PDE5A: variants seen among roughly 807,000 people sequenced by gnomAD.
PDE5A encodes phosphodiesterase 5A.
In PDE5A, 67 loss-of-function variants were observed where a neutral mutation model predicts 110.2. The observed-to-expected ratio is 0.61, with a 90% CI of 0.50 to 0.75. The LOEUF is 0.75. Ranked by LOEUF, PDE5A falls within the 30% of genes least tolerant of loss-of-function variation. The pLI, the probability that PDE5A is intolerant of heterozygous loss-of-function variation, is 0.00. For missense variants in PDE5A, 862 were observed against 1,045.1 expected (o/e 0.82, Z 2.42); for synonymous variants, 328 against 351.2 (o/e 0.93, Z 0.74).
chr4:119,520,823 AAAT>A (rs1726101366), intron 13 of PDE5A, 109 bp downstream of exon 13: 1 of 901,494 alleles, frequency 1.1e-6, no homozygotes, highest in Non-Finnish European at 1.6e-6. Context: ...AAGTGGCAGC[AAAT>A]ATTATTTTAA....
chr4:119,546,927 T>A (rs527469905), intron 9 of PDE5A, among the ~76,000 whole-genome samples: 15 of 152,154 alleles, frequency 9.9e-5, no homozygotes, highest in Non-Finnish European at 1.6e-4. Flanking sequence ...ATTTGATAAT[T>A]AGGCTTCTTA....
intron 1 of PDE5A, chr4:119,628,035 G>C: frequency 1.0e-6 from 1 of 985,948 alleles, no homozygotes; most frequent in Non-Finnish European, 1.2e-6. Flanking sequence ...GCTGTCCCGT[G>C]GACTCGTCCC....
chr4:119,541,739 A>G (rs145563848), intron 10 of PDE5A: 2 of 152,300 alleles, frequency 1.3e-5, no homozygotes, highest in African/African-American at 4.8e-5. Context: ...TGAAACATAT[A>G]TAGAAAGGAC....
intron 3 of PDE5A, among the ~76,000 whole-genome samples, chr4:119,572,598 A>ATAG (rs1728181110): frequency 2.0e-5 from 3 of 152,248 alleles, no homozygotes; most frequent in Admixed American, 1.3e-4. Flanking sequence ...TTTAAAAAGT[A>ATAG]TAGAAAATCA....
In PDE5A at chr4:119,538,527, T is replaced by G. The variant is rs528485554; in HGVS notation, c.1632+433A>C. Among the ~76,000 whole-genome samples the G allele has an allele frequency of 1.2e-3, 179 of 152,176 alleles. 1 individual carries two copies. The highest frequency in any genetic ancestry group is 1.8e-3 in the Non-Finnish European group (123 of 68,022). On this transcript the variant is annotated intron_variant, in intron 11 of 20. Coordinates refer to ENST00000354960, the MANE Select transcript of PDE5A (RefSeq NM_001083.4). ...TGCAAAGAGAATTCAGGAACTGACCTTATTTGACCCCAATTTCAAACAGCA... is the reference window on the plus strand; with the variant it reads ...TGCAAAGAGAATTCAGGAACTGACCGTATTTGACCCCAATTTCAAACAGCA...
At position 119,523,789 on chromosome 4, in the gene PDE5A, C is replaced by T. The variant is rs577832621; in HGVS notation, c.1779+1760G>A. 4.6e-5 allele frequency among the ~76,000 whole-genome samples: 7 copies of T among 152,140 alleles called. No individual in the cohort carries two copies. The South Asian group carries it at 8.3e-4, about 18-fold the overall frequency. ...AAAGTACAAGAATCACATTCCTCTACTCTAGCCAAGTCCTTTCAACAGAAT... is the reference window on the plus strand; with the variant it reads ...AAAGTACAAGAATCACATTCCTCTATTCTAGCCAAGTCCTTTCAACAGAAT... On this transcript the variant is annotated intron_variant, in intron 12 of 20. Coordinates refer to ENST00000354960, the MANE Select transcript of PDE5A (RefSeq NM_001083.4).
rs574668967 is a variant in PDE5A, at chr4:119,556,983, G to A, written c.1200-3237C>T. 1.5e-3 allele frequency among the ~76,000 whole-genome samples: 234 copies of A among 151,970 alleles called. 1 individual carries two copies. The highest frequency in any genetic ancestry group is 3.4e-3 in the Middle Eastern group (1 of 294). On this transcript the variant is annotated intron_variant, in intron 7 of 20. Transcript: ENST00000354960. ...CTTTTACTGATGGGAATATTATAGT[G>A]TCCTTTAGAATGTGCCTCAGAGCTC...
chr4:119,514,838 A>C (rs774588738), intron 14 of PDE5A, among the ~76,000 whole-genome samples: 15 of 152,206 alleles, frequency 9.9e-5, no homozygotes, highest in Non-Finnish European at 1.3e-4. Context: ...TTTAATCCTT[A>C]TGAAAATCCC....
intron 1 of PDE5A, among the ~76,000 whole-genome samples, chr4:119,615,813 A>G (rs1174876079): frequency 6.6e-6 from 1 of 152,152 alleles, no homozygotes; most frequent in Non-Finnish European, 1.5e-5. Context: ...ATCAGAAGAA[A>G]GCCTAGCTGC....
chr4:119,569,209 T>A (rs548420406), intron 3 of PDE5A, among the ~76,000 whole-genome samples: 3 of 152,042 alleles, frequency 2.0e-5, no homozygotes, highest in African/African-American at 4.8e-5. Context: ...GGTTAAATTT[T>A]AAAAATTTTT....
intron 9 of PDE5A, among the ~76,000 whole-genome samples, chr4:119,547,910 G>GA (rs771260568): frequency 1.3e-5 from 2 of 152,074 alleles, no homozygotes; most frequent in African/African-American, 2.4e-5. Flanking sequence ...TCTGAAACAT[G>GA]AAAGTAAAGC....
At position 119,602,181 on chromosome 4, in the gene PDE5A, G is replaced by T. The variant is rs186579749; in HGVS notation, c.741+4528C>A. Among the ~76,000 whole-genome samples, 9 of 152,072 alleles carry T rather than the reference G, an allele frequency of 5.9e-5. No homozygotes were observed. In the East Asian group the frequency reaches 1.7e-3, roughly 29 times the overall value. On this transcript the variant is annotated intron_variant, in intron 2 of 20. Transcript: ENST00000354960. The stretch of plus-strand genomic sequence containing the variant: ...ATTTTGATAATTTTATTATGGCTGG[G>T]CAAGAGAATATTCTTATTAGAAAAT...
intron 3 of PDE5A, among the ~76,000 whole-genome samples, chr4:119,595,114 T>C (rs1257896484): frequency 2.6e-5 from 4 of 152,002 alleles, no homozygotes; most frequent in Non-Finnish European, 4.4e-5. Flanking sequence ...TGCATGCAGG[T>C]AGCACGAATA....
intron 6 of PDE5A, among the ~76,000 whole-genome samples, chr4:119,562,104 C>T (rs1374686587): frequency 6.6e-6 from 1 of 152,132 alleles, no homozygotes; most frequent in Non-Finnish European, 1.5e-5. Flanking sequence ...ATTCCAGAAA[C>T]AGTGGTTCAT....
At chr4:119,506,631 G>T (rs769632255) in intron 16 of PDE5A, among the ~76,000 whole-genome samples, 1 of 151,774 alleles carries the variant, frequency 6.6e-6, no homozygotes, top group Non-Finnish European at 1.5e-5. Flanking sequence ...GACCCATGTG[G>T]CCTGTAAAGC....
intron 11 of PDE5A, among the ~76,000 whole-genome samples, chr4:119,532,496 TTTATCA>T (rs1726579162): frequency 6.6e-6 from 1 of 152,060 alleles, no homozygotes; most frequent in African/African-American, 2.4e-5. Flanking sequence ...TGTTCAACTT[TTTATCA>T]TTATAATGGC....
intron 20 of PDE5A, among the ~76,000 whole-genome samples, chr4:119,500,613 T>A (rs558073163): frequency 6.6e-6 from 1 of 151,382 alleles, no homozygotes; most frequent in Non-Finnish European, 1.5e-5. Flanking sequence ...AAAGACAACT[T>A]CTTCTTTCTG....
chr4:119,567,230 C>A (rs1035735268), intron 3 of PDE5A, 86 bp from the exon 4 acceptor site: 1 of 958,016 alleles, frequency 1.0e-6, no homozygotes, highest in African/African-American at 1.6e-5. Context: ...TAGAAGATAT[C>A]CTGCATGTGC....
intron 10 of PDE5A, chr4:119,541,613 T>C (rs942823981): frequency 1.3e-5 from 2 of 152,158 alleles, no homozygotes; most frequent in Non-Finnish European, 2.9e-5. Flanking sequence ...AGGTTAGTTA[T>C]GTACTTAAGA....
Sources: allele counts gnomAD v4.1 joint callset (sites outside exome capture counted in the v4.1 genomes callset), GRCh38; gene constraint gnomAD v4.1.1; transcripts MANE v1.5; gene names NCBI Gene and HGNC (gene_info 2026-07-23, HGNC 2026-07-21).